The following VAV3 variants were observed in gnomAD, a reference collection of about 807,000 sequenced individuals.
VAV3 encodes the protein vav guanine nucleotide exchange factor 3, also known as guanine nucleotide exchange factor VAV3.
In VAV3, 94 loss-of-function variants were observed where a neutral mutation model predicts 131.2. The ratio of observed to expected loss-of-function variants is 0.72; its 90% CI spans 0.61 to 0.85. The LOEUF (loss-of-function observed/expected upper bound fraction) is 0.85. VAV3 is among the 40% of genes least tolerant of loss of function. VAV3 has a pLI of 0.00. For missense variants in VAV3, 939 were observed against 1,002.7 expected (o/e 0.94, Z 0.86); for synonymous variants, 349 against 342.0 (o/e 1.02, Z -0.22).
At chr1:107,738,667 T>C (rs1440782726) in intron 15 of VAV3, among the ~76,000 whole-genome samples, 1 of 152,254 alleles carries the variant, frequency 6.6e-6, no homozygotes, top group Admixed American at 6.5e-5. Context: ...GTAATTCTTG[T>C]GATCTAATCA....
At chr1:107,857,247 C>A (rs1288150693) in intron 2 of VAV3, among the ~76,000 whole-genome samples, 1 of 152,130 alleles carries the variant, frequency 6.6e-6, no homozygotes, top group African/African-American at 2.4e-5. Flanking sequence ...ACTGGCTTAG[C>A]CTCTTGCCCA....
At chr1:107,712,008 C>T (rs906579619) in intron 15 of VAV3, among the ~76,000 whole-genome samples, 3 of 152,040 alleles carry the variant, frequency 2.0e-5, no homozygotes, top group Admixed American at 6.6e-5. Flanking sequence ...AATTAAAAGC[C>T]GCATAGCAAG....
intron 14 of VAV3, 26 bp from the exon 15 acceptor site, chr1:107,749,103 TA>T: frequency 2.1e-6 from 3 of 1,441,118 alleles, no homozygotes; most frequent in South Asian, 2.4e-5. Context: ...TTCCTTAGAT[TA>T]ATATGTATCA....
chr1:107,735,094 C>T (rs964399036), intron 15 of VAV3, among the ~76,000 whole-genome samples: 7 of 152,206 alleles, frequency 4.6e-5, no homozygotes, highest in African/African-American at 1.7e-4. Flanking sequence ...GAACAACCTG[C>T]TCCTGAATGA....
intron 19 of VAV3, among the ~76,000 whole-genome samples, chr1:107,650,830 G>A (rs1342908888): frequency 2.0e-5 from 3 of 150,980 alleles, no homozygotes; most frequent in Non-Finnish European, 2.9e-5. Flanking sequence ...TTGTCCTGGC[G>A]ATAGTTTACT....
chr1:107,666,884 C>G (rs1374971623), intron 19 of VAV3, among the ~76,000 whole-genome samples: 1 of 152,162 alleles, frequency 6.6e-6, no homozygotes, highest in African/African-American at 2.4e-5. Flanking sequence ...GTGACTTGAG[C>G]AAGGTCACAG....
chr1:107,791,590 A>C (rs1428298631), intron 2 of VAV3, among the ~76,000 whole-genome samples: 1 of 152,188 alleles, frequency 6.6e-6, no homozygotes, highest in Non-Finnish European at 1.5e-5. Flanking sequence ...TTTGAAAAAC[A>C]CTAATGTCTA....
chr1:107,606,803 C>CTTTTTTTTTTTTT (rs34849497), intron 22 of VAV3, among the ~76,000 whole-genome samples: 3 of 58,002 alleles, frequency 5.2e-5, no homozygotes, highest in Admixed American at 2.2e-4. Context: ...ATGGTTTCTT[C>CTTTTTTTTTTTTT]TTTTTTTTTT....
At position 107,926,175 on chromosome 1, in the gene VAV3, G is replaced by A. The variant is rs549928569; in HGVS notation, c.204+38491C>T. 9.2e-5 allele frequency among the ~76,000 whole-genome samples: 14 copies of A among 152,184 alleles called. No individual in the cohort carries two copies. The South Asian group carries it at 2.3e-3, about 25-fold the overall frequency. On this transcript the variant is annotated intron_variant, in intron 1 of 26. Transcript: ENST00000370056. ...CAGGTGCGTGTAATACCAGCTACTC[G>A]CGAGGCTGAGGTAGGAGAATGACTT...
At chr1:107,581,681 G>A (rs1650065163) in intron 25 of VAV3, among the ~76,000 whole-genome samples, 1 of 152,122 alleles carries the variant, frequency 6.6e-6, no homozygotes, top group Non-Finnish European at 1.5e-5. Flanking sequence ...TTTATGGTAG[G>A]ATAAAAAAGT....
chr1:107,918,676 AT>A (rs1320592914), intron 1 of VAV3, among the ~76,000 whole-genome samples: 1 of 146,630 alleles, frequency 6.8e-6, no homozygotes, highest in African/African-American at 2.5e-5. Flanking sequence ...ATATATATAT[AT>A]TTTTAAGGCA....
At chr1:107,811,171 C>T (rs146245342) in intron 2 of VAV3, among the ~76,000 whole-genome samples, 1 of 152,240 alleles carries the variant, frequency 6.6e-6, no homozygotes, top group Non-Finnish European at 1.5e-5. Flanking sequence ...TAATCACTTT[C>T]CACACTCAGA....
intron 17 of VAV3, among the ~76,000 whole-genome samples, chr1:107,692,511 T>C (rs1659490579): frequency 6.6e-6 from 1 of 152,166 alleles, no homozygotes; most frequent in South Asian, 2.1e-4. Flanking sequence ...TGGTCAATCT[T>C]CAGCTCACGT....
At chr1:107,928,819 G>T (rs1026120413) in intron 1 of VAV3, among the ~76,000 whole-genome samples, 2 of 152,154 alleles carry the variant, frequency 1.3e-5, no homozygotes, top group African/African-American at 4.8e-5. Flanking sequence ...TAGAGAAAGA[G>T]ATAAGGAAGA....
chr1:107,825,629 CA>C (rs1339343375), intron 2 of VAV3, among the ~76,000 whole-genome samples: 2 of 152,122 alleles, frequency 1.3e-5, no homozygotes, highest in East Asian at 3.9e-4. Context: ...CCCCTACCTG[CA>C]AATGCTTTGA....
chr1:107,955,727 C>T (rs1291292665), intron 1 of VAV3, among the ~76,000 whole-genome samples: 1 of 150,102 alleles, frequency 6.7e-6, no homozygotes, highest in African/African-American at 2.5e-5. Context: ...GCATAGTCTT[C>T]AAGAAACTGC....
intron 2 of VAV3, among the ~76,000 whole-genome samples, chr1:107,816,072 G>A (rs1342564088): frequency 3.9e-5 from 6 of 152,100 alleles, no homozygotes; most frequent in African/African-American, 9.7e-5. Flanking sequence ...AGTAATGCTC[G>A]CTCATCCACC....
Position 107,623,488 on chromosome 1 carries a change from C to T in VAV3, c.1915-5856G>A, listed in dbSNP as rs200424694. On this transcript the variant is annotated intron_variant, in intron 20 of 26. Transcript: ENST00000370056. ...TTATATTTCAGTAAACTTGCTAAGC[C>T]GCAAGGAACATAGACTCTCATATCA... Among the ~76,000 whole-genome samples, 24 of 152,210 alleles carry T rather than the reference C, an allele frequency of 1.6e-4. No homozygotes were observed. In the East Asian group the frequency reaches 2.5e-3, roughly 16 times the overall value.
chr1:107,740,217 G>C (rs1352500949), intron 15 of VAV3, among the ~76,000 whole-genome samples: 1 of 151,962 alleles, frequency 6.6e-6, no homozygotes, highest in Non-Finnish European at 1.5e-5. Flanking sequence ...AACCCAGGAG[G>C]TGGAGGTTGC....
Sources: allele counts gnomAD v4.1 joint callset (sites outside exome capture counted in the v4.1 genomes callset), GRCh38; gene constraint gnomAD v4.1.1; transcripts MANE v1.5; gene names NCBI Gene and HGNC (gene_info 2026-07-23, HGNC 2026-07-21).